Variants in DAGLA observed in about 807,000 individuals in gnomAD.
DAGLA encodes the protein diacylglycerol lipase alpha.
In DAGLA, 22 loss-of-function variants were observed where a neutral mutation model predicts 102.6. The observed-to-expected ratio is 0.21, with a 90% CI of 0.15 to 0.31. DAGLA has a LOEUF of 0.31. Among genes scored for constraint, DAGLA ranks in the 10% least tolerant of loss-of-function variants. The probability of loss-of-function intolerance (pLI) is 1.00; values close to 1 mark genes in which losing one functional copy is unlikely to be tolerated. For synonymous variants in DAGLA, 578 were observed against 628.9 expected (o/e 0.92, Z 1.21); for missense variants, 927 against 1,446.6 (o/e 0.64, Z 5.83).
At position 61,686,050 on chromosome 11, in the gene DAGLA, G is replaced by A. The variant is rs915373365; in HGVS notation, c.-45+5546G>A. Among the ~76,000 whole-genome samples the A allele has an allele frequency of 1.3e-5, 2 of 152,168 alleles. No individual in the cohort carries two copies. The highest frequency in any genetic ancestry group is 1.3e-4 in the Admixed American group (2 of 15,290). On this transcript the variant is annotated intron_variant, in intron 1 of 19. Transcript: ENST00000257215. The surrounding 1 kb of genome is among the most constrained non-coding windows in gnomAD (Gnocchi z 5.2). ...AGGCTGGTGCCACCCACCAGGAAGA[G>A]TGGTATGGCAGCAGGGTACTGAGGG...
intron 9 of DAGLA, among the ~76,000 whole-genome samples, chr11:61,733,508 C>G (rs572973365): frequency 6.6e-6 from 1 of 152,368 alleles, no homozygotes; most frequent in East Asian, 1.9e-4. Flanking sequence ...AGAATCCAAG[C>G]TTCTTAATAA....
At chr11:61,704,806 ACT>A (rs755581757) in intron 1 of DAGLA, among the ~76,000 whole-genome samples, 3 of 151,912 alleles carry the variant, frequency 2.0e-5, no homozygotes, top group Non-Finnish European at 4.4e-5. Flanking sequence ...GGTTGAATTA[ACT>A]CTGAGAGCTC....
At chr11:61,731,533 C>T in intron 9 of DAGLA, 92 bp downstream of exon 9, 1 of 1,527,124 alleles carries the variant, frequency 6.5e-7, no homozygotes, top group South Asian at 1.2e-5. Context: ...ACTGCTTTGC[C>T]CTGAATGGCT....
chr11:61,735,188 C>T (rs1263302850), intron 10 of DAGLA, among the ~76,000 whole-genome samples, 186 bp downstream of exon 10: 1 of 152,206 alleles, frequency 6.6e-6, no homozygotes, highest in East Asian at 1.9e-4. Flanking sequence ...CCTGGCTTGC[C>T]TGTACCACCT....
rs1438954587 is a variant in DAGLA, at chr11:61,743,998, G to A, written c.2638G>A (p.Glu880Lys). ...PPSAAANDEE[E>K]EVGGGGGGPA... is the part of the protein sequence containing the mutation. ...CAGTGCTGCGGCCAATGACGAGGAG[G>A]AAGAGGTTGGCGGTGGGGGTGGCGG... is the stretch of plus-strand genomic sequence containing the variant. Residue 880 changes from glutamate to lysine, a missense_variant, in exon 20 of 20, where the codon GAA (glutamate) becomes AAA (lysine). Physicochemically the swap from Glu to Lys is moderately conservative, Grantham distance 56. Coordinates refer to ENST00000257215, the MANE Select transcript of DAGLA (RefSeq NM_006133.3). 2.5e-6 allele frequency: 4 copies of A among 1,611,936 alleles called. No individual in the cohort carries two copies. Among genetic ancestry groups the A allele is most frequent in the African/African-American group, 2.7e-5 (2 of 74,924 alleles).
chr11:61,733,062 A>G (rs932634395), intron 9 of DAGLA, among the ~76,000 whole-genome samples: 2 of 152,182 alleles, frequency 1.3e-5, no homozygotes. Context: ...TTAAGAACCT[A>G]TTATAGGCCA....
intron 1 of DAGLA, among the ~76,000 whole-genome samples, chr11:61,689,144 C>G (rs945094419): frequency 3.3e-5 from 5 of 152,282 alleles, no homozygotes; most frequent in African/African-American, 1.2e-4. Context: ...TAGCCAACTC[C>G]CACTTCATCC....
intron 1 of DAGLA, among the ~76,000 whole-genome samples, chr11:61,694,547 C>A (rs891682841): frequency 3.3e-5 from 5 of 152,202 alleles, no homozygotes; most frequent in Non-Finnish European, 7.3e-5. Context: ...GCCTCTGCGC[C>A]GGCTGCCTGT....
At chr11:61,716,330 G>T (rs191319536) in intron 1 of DAGLA, among the ~76,000 whole-genome samples, 8 of 152,308 alleles carry the variant, frequency 5.3e-5, no homozygotes, top group African/African-American at 1.9e-4. Context: ...TTCCCAGGAG[G>T]AGAGTGGGTT....
At chr11:61,731,515 C>A in intron 9 of DAGLA, 74 bp downstream of exon 9, 1 of 1,579,644 alleles carries the variant, frequency 6.3e-7, no homozygotes, top group South Asian at 1.1e-5. Context: ...GGCTACCGGG[C>A]TGCGCCTACT....
At chr11:61,702,278 G>T (rs137985847) in intron 1 of DAGLA, among the ~76,000 whole-genome samples, 1 of 151,976 alleles carries the variant, frequency 6.6e-6, no homozygotes, top group Non-Finnish European at 1.5e-5. Context: ...GTTAGGTTTC[G>T]AACTTAGTTC....
rs199833037 is a variant in DAGLA at position 61,723,403 on chromosome 11, C to T, written c.410-31C>T. Reference sequence around the variant, plus strand: ...GAGCCAGAGAGGTGTCCCCAGCGCCCCTACCTAATGCCTCCCACTGCTGCC... The same window carrying T: ...GAGCCAGAGAGGTGTCCCCAGCGCCTCTACCTAATGCCTCCCACTGCTGCC... On this transcript the variant is annotated intron_variant, in intron 4 of 19. Transcript: ENST00000257215. 7.5e-6 allele frequency: 12 copies of T among 1,603,008 alleles called. No individual in the cohort carries two copies. In the African/African-American group the frequency reaches 1.5e-4, roughly 20 times the overall value.
chr11:61,743,859 C>T lies in DAGLA; in HGVS notation c.2499C>T (p.Ser833=). 1.9e-6 allele frequency: 3 copies of T among 1,612,532 alleles called. No homozygotes were observed. The highest frequency in any genetic ancestry group is 2.2e-5 in the South Asian group (2 of 91,084). Residue 833 remains serine (S), a synonymous_variant, in exon 20 of 20, where the codon TCC becomes TCT. Transcript: ENST00000257215. ...IDPAIPEENP[S]LSSRTELLAA... is the part of the protein sequence containing the mutation. ...CTGCCATCCCCGAGGAAAACCCATC[C>T]CTGAGCTCGCGCACTGAGCTGCTGG...
At chr11:61,688,779 A>G (rs942239824) in intron 1 of DAGLA, among the ~76,000 whole-genome samples, 4 of 152,186 alleles carry the variant, frequency 2.6e-5, no homozygotes, top group Non-Finnish European at 5.9e-5. Context: ...TCACCCCTCA[A>G]CACATGCGGA....
In DAGLA at chr11:61,744,332, C is replaced by G; in HGVS notation, c.2972C>G (p.Ser991Cys). The G allele has an allele frequency of 6.2e-7, 1 of 1,612,670 alleles. No individual in the cohort carries two copies. ...DPSSGISLSP[S>C]FPLSSSGELM... is the part of the protein sequence containing the mutation. ...TCCTCGGGCATCTCACTCTCGCCCT[C>G]CTTCCCGCTCAGCTCCTCGGGTGAG... is the stretch of plus-strand genomic sequence containing the variant. Residue 991 changes from serine to cysteine, a missense_variant, in exon 20 of 20, where the codon TCC (serine) becomes TGC (cysteine). This residue lies in a region of DAGLA where 434 missense variants were observed against 503.3 expected (regional missense o/e 0.86). Transcript: ENST00000257215.
rs1389785719 is a variant in DAGLA, at chr11:61,728,927, A to C, written c.772-4A>C. On this transcript the variant is annotated splice_polypyrimidine_tract_variant and splice_region_variant and intron_variant, in intron 7 of 19. Coordinates refer to ENST00000257215, the MANE Select transcript of DAGLA (RefSeq NM_006133.3). ...TTGTCCTTCTTCACCTGCCGGTCTT[A>C]CAGGCAAACAATGACATCTTGGCCT... 1.9e-6 allele frequency: 3 copies of C among 1,613,924 alleles called. No homozygotes were observed. Among genetic ancestry groups the C allele is most frequent in the Non-Finnish European group, 2.5e-6 (3 of 1,179,800 alleles).
In DAGLA at chr11:61,741,130, AC is replaced by A. The variant is rs777561889; in HGVS notation, c.1984-30del. 11 of 1,582,750 alleles carry A rather than the reference AC, an allele frequency of 6.9e-6. No homozygotes were observed. The South Asian group carries it at 1.2e-4, about 18-fold the overall frequency. The stretch of plus-strand genomic sequence containing the variant: ...CCACGATGGGGCCTGATGTCCCTCC[AC>A]CACCCCCAGCCTCCTCTGTCCTGTC... On this transcript the variant is annotated intron_variant, in intron 18 of 19. Transcript: ENST00000257215.
chr11:61,708,648 G>A (rs2065169813), intron 1 of DAGLA, among the ~76,000 whole-genome samples: 1 of 152,132 alleles, frequency 6.6e-6, no homozygotes, highest in Non-Finnish European at 1.5e-5. Context: ...CTCCCAAAGT[G>A]CTGGGACTAC....
chr11:61,708,481 C>T (rs1451960823), intron 1 of DAGLA, among the ~76,000 whole-genome samples: 1 of 152,064 alleles, frequency 6.6e-6, no homozygotes, highest in African/African-American at 2.4e-5. Flanking sequence ...GCTGGGTTCA[C>T]ACCATTCTCC....
Sources: gnomAD v4.1 joint callset for allele counts (sites outside exome capture counted in the v4.1 genomes callset) on GRCh38, gnomAD v4.1.1 for gene constraint, gnomAD v4.1.1 regional missense constraint, Gnocchi (gnomAD v3.1) non-coding constraint, MANE v1.5 for transcripts, NCBI Gene and HGNC (gene_info 2026-07-23, HGNC 2026-07-21) for gene names.